PFDN4: variants seen among roughly 807,000 people sequenced by gnomAD.
PFDN4 encodes prefoldin subunit 4, also known as prefoldin 4.
In PFDN4, 6 loss-of-function variants were observed where a neutral mutation model predicts 17.6. That is an observed-to-expected ratio of 0.34 (90% confidence interval 0.19 to 0.67). The LOEUF is 0.67. Ranked by LOEUF, PFDN4 falls within the 30% of genes least tolerant of loss-of-function variation. The pLI, the probability that PFDN4 is intolerant of heterozygous loss-of-function variation, is 0.68. For synonymous variants in PFDN4, 48 were observed against 51.1 expected, an observed-to-expected ratio of 0.94 and a Z score of 0.26; for missense variants, 119 against 158.4, an observed-to-expected ratio of 0.75 and a Z score of 1.33.
At chr20:54,214,930 C>T (rs1479019678) in intron 2 of PFDN4, among the ~76,000 whole-genome samples, 1 of 152,146 alleles carries the variant, frequency 6.6e-6, no homozygotes, top group Non-Finnish European at 1.5e-5. Flanking sequence ...TTTCATTACC[C>T]GCATGATTTA....
rs150624897 is a variant in PFDN4 at position 54,219,484 on chromosome 20, ATGT to A, written c.*339_*341del. On this transcript the variant is annotated 3_prime_UTR_variant, in exon 4 of 4. Transcript: ENST00000371419. The stretch of plus-strand genomic sequence containing the variant: ...CATAAGAAAATTTAACAGTTGTGTC[ATGT>A]TGTTTCTGTCTGATTTTAATTGCTG... 7.9e-3 allele frequency: 3,014 copies of A among 383,292 alleles called. 107 individuals are homozygous for A. The highest frequency in any genetic ancestry group is 0.063 in the East Asian group (1,658 of 26,410). The allele number at this position is 383,292 out of a possible 1,614,324, so 23.7% of individuals were successfully genotyped here.
At chr20:54,215,707 A>G (rs1178978222) in intron 3 of PFDN4, among the ~76,000 whole-genome samples, 1 of 152,236 alleles carries the variant, frequency 6.6e-6, no homozygotes, top group Non-Finnish European at 1.5e-5. Flanking sequence ...TGACTCCAGA[A>G]CCTTGCTCAA....
At chr20:54,209,810 A>G (rs1208522398) in intron 1 of PFDN4, among the ~76,000 whole-genome samples, 1 of 152,204 alleles carries the variant, frequency 6.6e-6, no homozygotes, top group Non-Finnish European at 1.5e-5. Flanking sequence ...GGGGCACGTA[A>G]TATGGCGTAG....
intron 3 of PFDN4, 49 bp from the exon 4 acceptor site, chr20:54,218,970 C>T: frequency 8.3e-7 from 1 of 1,209,456 alleles, no homozygotes; most frequent in Non-Finnish European, 1.2e-6. Flanking sequence ...CACAGATGCT[C>T]AGAAATCATC....
At chr20:54,208,165 C>T in intron 1 of PFDN4, 41 bp downstream of exon 1, 2 of 1,504,196 alleles carry the variant, frequency 1.3e-6, no homozygotes, top group South Asian at 1.2e-5. Flanking sequence ...CGGGCGGCGC[C>T]GGATCTCGGC....
intron 1 of PFDN4, among the ~76,000 whole-genome samples, chr20:54,210,097 A>T (rs2092753747): frequency 6.6e-6 from 1 of 152,224 alleles, no homozygotes; most frequent in South Asian, 2.1e-4. Flanking sequence ...GGAGAGTTGG[A>T]TAGGGAGCGA....
At chr20:54,216,511 AT>A (rs1183302378) in intron 3 of PFDN4, among the ~76,000 whole-genome samples, 3 of 151,844 alleles carry the variant, frequency 2.0e-5, no homozygotes, top group African/African-American at 7.3e-5. Context: ...AAATTTTGTG[AT>A]TTTTGTTCTT....
At position 54,219,417 on chromosome 20, in the gene PFDN4, A is replaced by G; in HGVS notation, c.*267A>G. On this transcript the variant is annotated 3_prime_UTR_variant, in exon 4 of 4. Transcript: ENST00000371419. The stretch of plus-strand genomic sequence containing the variant: ...ATTAAAATCAGTTAAGCAATCTTTT[A>G]TGTTTCTATATTATTTAGAATATTT... The G allele has an allele frequency of 2.7e-6, 1 of 365,432 alleles. No individual in the cohort carries two copies. Among genetic ancestry groups the G allele is most frequent in the Non-Finnish European group, 4.8e-6 (1 of 209,806 alleles). 22.6% of individuals were successfully genotyped at this position (365,432 alleles called of 1,614,324 possible).
At chr20:54,209,606 G>A (rs2092753063) in intron 1 of PFDN4, among the ~76,000 whole-genome samples, 1 of 152,160 alleles carries the variant, frequency 6.6e-6, no homozygotes, top group Non-Finnish European at 1.5e-5. Flanking sequence ...CTGGTGTTAG[G>A]TATGGCCTTT....
chr20:54,219,721 ACATGTGGAGG>A lies in PFDN4; in HGVS notation c.*581_*590del, dbSNP rs537797023. On this transcript the variant is annotated 3_prime_UTR_variant, in exon 4 of 4. Transcript: ENST00000371419. Reference sequence around the variant, plus strand: ...GGGTAAAAGAATGGGTAATGTTTAAACATGTGGAGGCATGTGGAGCTTTATACAAACAGGG... The same window carrying A: ...GGGTAAAAGAATGGGTAATGTTTAAACATGTGGAGCTTTATACAAACAGGG... 6.7e-4 allele frequency: 268 copies of A among 398,312 alleles called. 1 individual carries two copies. Among genetic ancestry groups the A allele is most frequent in the African/African-American group, 5.1e-3 (249 of 48,728 alleles). The allele number at this position is 398,312 out of a possible 1,614,324, so 24.7% of individuals were successfully genotyped here.
intron 1 of PFDN4, among the ~76,000 whole-genome samples, chr20:54,212,673 A>G (rs1468321563): frequency 1.3e-5 from 2 of 152,252 alleles, no homozygotes; most frequent in Non-Finnish European, 2.9e-5. Context: ...CAAGACAAAT[A>G]CATCTATAAA....
chr20:54,211,855 G>C (rs968196367), intron 1 of PFDN4, among the ~76,000 whole-genome samples: 4 of 151,896 alleles, frequency 2.6e-5, no homozygotes, highest in African/African-American at 4.8e-5. Flanking sequence ...TGGGTATATC[G>C]ACCTGTCAAT....
At chr20:54,213,595 G>A (rs1257876193) in intron 1 of PFDN4, among the ~76,000 whole-genome samples, 4 of 152,138 alleles carry the variant, frequency 2.6e-5, no homozygotes, top group Non-Finnish European at 5.9e-5. Flanking sequence ...AAATAGTGCT[G>A]GTGATCCTCC....
intron 1 of PFDN4, among the ~76,000 whole-genome samples, chr20:54,209,272 G>A (rs2092752595): frequency 6.6e-6 from 1 of 152,182 alleles, no homozygotes. Flanking sequence ...GGTCTTTGAT[G>A]AGAATCTCTT....
At chr20:54,212,935 T>C (rs2092757912) in intron 1 of PFDN4, among the ~76,000 whole-genome samples, 2 of 152,270 alleles carry the variant, frequency 1.3e-5, no homozygotes. Flanking sequence ...AAGGATTTTT[T>C]CAGGCTATCT....
At chr20:54,208,295 C>G (rs1163795444) in intron 1 of PFDN4, 171 bp downstream of exon 1, 2 of 549,070 alleles carry the variant, frequency 3.6e-6, no homozygotes, top group Non-Finnish European at 5.8e-6. Context: ...CGCCTGGCGC[C>G]CTGAGCGTTT....
At chr20:54,212,195 CAAA>C (rs11468663) in intron 1 of PFDN4, among the ~76,000 whole-genome samples, 2 of 131,434 alleles carry the variant, frequency 1.5e-5, no homozygotes, top group Admixed American at 7.9e-5. Flanking sequence ...TCTGTCTCAC[CAAA>C]AAAAAAAAAA....
chr20:54,208,357 C>T, intron 1 of PFDN4: 1 of 435,340 alleles, frequency 2.3e-6, no homozygotes, highest in South Asian at 5.1e-5. Flanking sequence ...GGCCGGGAGC[C>T]TCGAAGGACG....
At chr20:54,209,874 C>G (rs998937206) in intron 1 of PFDN4, among the ~76,000 whole-genome samples, 5 of 152,154 alleles carry the variant, frequency 3.3e-5, no homozygotes, top group African/African-American at 9.7e-5. Context: ...CTCTTCTCCC[C>G]TTAATCTCAT....
Sources: gnomAD v4.1 joint callset for allele counts (sites outside exome capture counted in the v4.1 genomes callset) on GRCh38, gnomAD v4.1.1 for gene constraint, MANE v1.5 for transcripts, NCBI Gene and HGNC (gene_info 2026-07-23, HGNC 2026-07-21) for gene names.